FNBP1: variants seen among roughly 807,000 people sequenced by gnomAD.
FNBP1 encodes formin-binding protein 1.
Under a neutral mutation model 90.6 loss-of-function variants are expected in FNBP1, and 26 were observed. That is an observed-to-expected ratio of 0.29 (90% CI 0.21 to 0.40). FNBP1 has a LOEUF of 0.40. Ranked by LOEUF, FNBP1 falls within the 10% of genes least tolerant of loss-of-function variation. The pLI is 1.00. For missense variants in FNBP1, 635 were observed against 768.0 expected (o/e 0.83, Z 2.05); for synonymous variants, 260 against 265.2 (o/e 0.98, Z 0.19).
intron 1 of FNBP1, among the ~76,000 whole-genome samples, chr9:130,009,580 A>G (rs922169681): frequency 3.3e-5 from 5 of 152,084 alleles, no homozygotes; most frequent in African/African-American, 1.2e-4. Context: ...AGGCGGGCGG[A>G]TCACAAGGTC....
intron 6 of FNBP1, among the ~76,000 whole-genome samples, chr9:129,938,861 A>G (rs1424187394): frequency 6.6e-6 from 1 of 152,190 alleles, no homozygotes. Flanking sequence ...ACGAGCTTGG[A>G]GATCCTGCTA....
rs564423909 is a variant in FNBP1, at chr9:129,895,929, G to A, written c.1755C>T (p.Gly585=). 6.2e-6 allele frequency: 10 copies of A among 1,613,424 alleles called. No individual in the cohort carries two copies. The African/African-American group carries it at 8.0e-5, about 13-fold the overall frequency. Residue 585 remains glycine (G), a synonymous_variant, in exon 16 of 17, where the codon GGC becomes GGT. Coordinates refer to ENST00000446176, the MANE Select transcript of FNBP1 (RefSeq NM_015033.3). Reference sequence around the variant, plus strand: ...TTCTCCGAATGCGGGTCCAGCCATCGCCTTTGTCTTCCTCTATGACATACA... The same window carrying A: ...TTCTCCGAATGCGGGTCCAGCCATCACCTTTGTCTTCCTCTATGACATACA... ...ETLYVIEEDK[G]DGWTRIRRNE... is the part of the protein sequence containing the mutation.
Position 129,934,443 on chromosome 9 carries a change from C to T in FNBP1, c.514-4748G>A, listed in dbSNP as rs76129193. ...CACAGACGTCTTAGAATCAGATCTA[C>T]GCTGCTTTTGTTGTCCAACAGGAAG... On this transcript the variant is annotated intron_variant, in intron 6 of 16. Transcript: ENST00000446176. Among the ~76,000 whole-genome samples, 54 of 152,268 alleles carry T rather than the reference C, an allele frequency of 3.5e-4. No homozygotes were observed. The East Asian group carries it at 7.9e-3, about 22-fold the overall frequency.
chr9:129,962,082 C>G (rs946927147), intron 4 of FNBP1, among the ~76,000 whole-genome samples: 3 of 152,186 alleles, frequency 2.0e-5, no homozygotes, highest in African/African-American at 7.2e-5. Flanking sequence ...GAAACTGTAC[C>G]TGCAGCTTCT....
At position 129,890,440 on chromosome 9, in the gene FNBP1, G is replaced by T; in HGVS notation, c.*99C>A. ...GCCCCGCAGGGATGGGGCTGCGGAG[G>T]GGTGGGCTGTCCACAGGGCAGGGCG... On this transcript the variant is annotated 3_prime_UTR_variant, in exon 17 of 17. Coordinates refer to ENST00000446176, the MANE Select transcript of FNBP1 (RefSeq NM_015033.3). This position sits in a 1 kb window ranked among gnomAD's most constrained non-coding sequence, Gnocchi z 5.8. 1.1e-6 allele frequency: 1 copy of T among 941,222 alleles called. No homozygotes were observed. Among genetic ancestry groups the T allele is most frequent in the South Asian group, 1.4e-5 (1 of 71,604 alleles). The allele number at this position is 941,222 out of a possible 1,614,324, so 58.3% of individuals were successfully genotyped here.
At chr9:129,947,101 T>C (rs908925612) in intron 6 of FNBP1, among the ~76,000 whole-genome samples, 1 of 152,106 alleles carries the variant, frequency 6.6e-6, no homozygotes, top group Non-Finnish European at 1.5e-5. Flanking sequence ...CAAGAGTTGT[T>C]TGGGTGGGCA....
Position 129,957,281 on chromosome 9 carries a change from G to T in FNBP1, c.513+79C>A. On this transcript the variant is annotated intron_variant, in intron 6 of 16. Coordinates refer to ENST00000446176, the MANE Select transcript of FNBP1 (RefSeq NM_015033.3). The surrounding 1 kb of genome is among the most constrained non-coding windows in gnomAD (Gnocchi z 4.3). ...TCGAACTCCTGGCCTCAGGTGATCC[G>T]CTCACCTCAGCCTCCCAAAGTGCTG... 1.0e-6 allele frequency: 1 copy of T among 991,390 alleles called. No individual in the cohort carries two copies. Among genetic ancestry groups the T allele is most frequent in the Non-Finnish European group, 1.6e-6 (1 of 636,860 alleles). 61.4% of individuals were successfully genotyped at this position (991,390 alleles called of 1,614,324 possible).
chr9:130,028,120 T>C (rs1271883908), intron 1 of FNBP1, among the ~76,000 whole-genome samples: 2 of 152,206 alleles, frequency 1.3e-5, no homozygotes, highest in African/African-American at 4.8e-5. Flanking sequence ...CAGATCTGCC[T>C]AGATTCAAAT....
the FNBP1 span, among the ~76,000 whole-genome samples, chr9:130,048,491 C>CTTTTTTTTTTTTTTTTTTTT: frequency 9.5e-6 from 1 of 105,082 alleles, no homozygotes; most frequent in Non-Finnish European, 1.8e-5. Context: ...CCTCAGTTTC[C>CTTTTTTTTTTTTTTTTTTTT]TTTTTTTTTT....
intron 4 of FNBP1, among the ~76,000 whole-genome samples, chr9:129,965,348 A>G (rs1472686): frequency 0.88 from 133,984 of 152,198 alleles, 59,086 homozygotes; most frequent in Non-Finnish European, 0.9. Context: ...CTAAATGCCT[A>G]CCTCTCAGAG....
At chr9:130,034,723 G>A (rs1269426262) in intron 1 of FNBP1, among the ~76,000 whole-genome samples, 2 of 152,166 alleles carry the variant, frequency 1.3e-5, no homozygotes, top group African/African-American at 2.4e-5. Flanking sequence ...AGCATTTAGT[G>A]GTGTGAGTCA....
At chr9:129,986,270 A>G (rs1228775145) in intron 2 of FNBP1, among the ~76,000 whole-genome samples, 1 of 152,172 alleles carries the variant, frequency 6.6e-6, no homozygotes, top group Admixed American at 6.6e-5. Context: ...CCTTCAGATT[A>G]TTTATACTAT....
chr9:129,913,286 T>G (rs751785650), intron 11 of FNBP1, among the ~76,000 whole-genome samples: 4 of 152,188 alleles, frequency 2.6e-5, no homozygotes, highest in African/African-American at 9.7e-5. Flanking sequence ...TTAGCCTCTG[T>G]GCAGGTGTAT....
At chr9:129,960,383 C>CAAAAAAAAAAAAAAAAAAAAAAAA (rs10715833) in intron 4 of FNBP1, among the ~76,000 whole-genome samples, 3 of 80,450 alleles carry the variant, frequency 3.7e-5, no homozygotes, top group African/African-American at 9.9e-5. Flanking sequence ...GACTCCATCT[C>CAAAAAAAAAAAAAAAAAAAAAAAA]AAAAAAAAAA....
At chr9:130,020,710 C>G (rs1410926595) in intron 1 of FNBP1, among the ~76,000 whole-genome samples, 2 of 152,166 alleles carry the variant, frequency 1.3e-5, no homozygotes, top group African/African-American at 4.8e-5. Flanking sequence ...TCAGCGGAGA[C>G]ACAGTCCAAT....
intron 11 of FNBP1, among the ~76,000 whole-genome samples, chr9:129,911,571 C>G (rs747843697): frequency 5.3e-5 from 8 of 152,074 alleles, no homozygotes; most frequent in Admixed American, 2.0e-4. Context: ...GCTCTGTGCC[C>G]CCTCCCCCAC....
At chr9:129,987,852 C>T (rs752583987) in intron 2 of FNBP1, among the ~76,000 whole-genome samples, 1 of 151,908 alleles carries the variant, frequency 6.6e-6, no homozygotes, top group African/African-American at 2.4e-5. Flanking sequence ...ACTTTACTGT[C>T]GTTTGTACTG....
intron 4 of FNBP1, among the ~76,000 whole-genome samples, chr9:129,965,704 G>GCGCGCA (rs1554821672): frequency 3.8e-5 from 4 of 104,976 alleles, no homozygotes; most frequent in East Asian, 3.1e-4. Flanking sequence ...ACACGCGCGC[G>GCGCGCA]CGCGCACACA....
At chr9:130,049,419 G>A in the FNBP1 span, among the ~76,000 whole-genome samples, 4 of 151,924 alleles carry the variant, frequency 2.6e-5, no homozygotes, top group African/African-American at 9.7e-5. Flanking sequence ...TACTTCAAAG[G>A]TTATTGTAAA....
Sources: gnomAD v4.1 joint callset for allele counts (sites outside exome capture counted in the v4.1 genomes callset) on GRCh38, gnomAD v4.1.1 for gene constraint, Gnocchi (gnomAD v3.1) non-coding constraint, MANE v1.5 for transcripts, NCBI Gene and HGNC (gene_info 2026-07-23, HGNC 2026-07-21) for gene names.